FIG4: variants seen among roughly 807,000 people sequenced by gnomAD.
The protein encoded by FIG4 is FIG4 phosphoinositide 5-phosphatase.
Under a neutral mutation model 118.6 loss-of-function variants are expected in FIG4, and 112 were observed. That is an observed-to-expected ratio of 0.94 (90% CI 0.81 to 1.11). The LOEUF is 1.11. Among genes scored for constraint, FIG4 ranks in the 50% least tolerant of loss-of-function variants. The pLI, the probability that FIG4 is intolerant of heterozygous loss-of-function variation, is 0.00. For missense variants in FIG4, 969 were observed against 1,111.7 expected, an observed-to-expected ratio of 0.87 and a Z score of 1.83; for synonymous variants, 369 against 381.2, an observed-to-expected ratio of 0.97 and a Z score of 0.37.
In FIG4 at chr6:109,786,399, G is replaced by A; in HGVS notation, c.2046G>A (p.Glu682=). ...DIHNEFFRPY[E]LSSFDDTFCL... ...ACAATGAGTTCTTTCGGCCATATGA[G>A]TTGAGCAGCTTTGATGATACCTTTT... Residue 682 remains glutamate, a synonymous_variant, in exon 18 of 23, where the codon GAG becomes GAA. Coordinates refer to ENST00000230124, the MANE Select transcript of FIG4 (RefSeq NM_014845.6). The A allele has an allele frequency of 6.2e-7, 1 of 1,614,012 alleles. No homozygotes were observed. Among genetic ancestry groups the A allele is most frequent in the Non-Finnish European group, 8.5e-7 (1 of 1,179,876 alleles).
chr6:109,696,067 C>T (rs979148876), intron 1 of FIG4, among the ~76,000 whole-genome samples: 8 of 152,204 alleles, frequency 5.3e-5, no homozygotes, highest in Non-Finnish European at 1.0e-4. Flanking sequence ...CTCATCCCTT[C>T]TTAAAGTTAT....
intron 22 of FIG4, among the ~76,000 whole-genome samples, chr6:109,798,279 T>C (rs1000040181): frequency 2.0e-5 from 3 of 151,900 alleles, no homozygotes; most frequent in Non-Finnish European, 2.9e-5. Flanking sequence ...ACTCAGAGAG[T>C]GGGGAACAAG....
intron 22 of FIG4, among the ~76,000 whole-genome samples, chr6:109,818,344 G>C (rs1436463385): frequency 6.6e-6 from 1 of 152,024 alleles, no homozygotes; most frequent in Non-Finnish European, 1.5e-5. Flanking sequence ...GGGATTACAG[G>C]CATGCACCAC....
rs543889524 is a variant in FIG4, at chr6:109,808,718, C to T, written c.2546+11867C>T. On this transcript the variant is annotated intron_variant, in intron 22 of 22. Transcript: ENST00000230124. ...TGACAGACACTTTTTCAAAAATGAA[C>T]AAAGTAAGCCTGTCACTTCAAGAAA... 2.1e-3 allele frequency among the ~76,000 whole-genome samples: 320 copies of T among 151,984 alleles called. 1 individual carries two copies. Among genetic ancestry groups the T allele is most frequent in the Non-Finnish European group, 3.9e-3 (264 of 67,966 alleles).
At chr6:109,741,596 T>A in intron 8 of FIG4, 52 bp downstream of exon 8, 8 of 1,117,286 alleles carry the variant, frequency 7.2e-6, no homozygotes, top group Non-Finnish European at 9.6e-6. Flanking sequence ...TATATCAGCT[T>A]TGCTGATGTA....
intron 16 of FIG4, 80 bp from the exon 17 acceptor site, chr6:109,784,890 A>G (rs1358755893): frequency 2.7e-6 from 2 of 737,904 alleles, no homozygotes; most frequent in African/African-American, 1.8e-5. Flanking sequence ...TATAGACCAT[A>G]TAAATTATTT....
chr6:109,762,325 A>C (rs1174302964), intron 12 of FIG4, 118 bp downstream of exon 12: 1 of 707,442 alleles, frequency 1.4e-6, no homozygotes, highest in Non-Finnish European at 2.6e-6. Context: ...GGGGAGGCAC[A>C]CTGCTCACAT....
chr6:109,741,888 A>G (rs1415298409), intron 8 of FIG4, among the ~76,000 whole-genome samples: 1 of 152,102 alleles, frequency 6.6e-6, no homozygotes, highest in African/African-American at 2.4e-5. Flanking sequence ...GGGAATAATG[A>G]CAATAAAAAA....
intron 3 of FIG4, among the ~76,000 whole-genome samples, chr6:109,724,936 A>G (rs903650847): frequency 3.9e-5 from 6 of 151,980 alleles, no homozygotes; most frequent in Admixed American, 1.3e-4. Flanking sequence ...ATCTTGTGCA[A>G]CAGATCTTGA....
chr6:109,813,080 A>C (rs1371612822), intron 22 of FIG4, among the ~76,000 whole-genome samples: 4 of 152,224 alleles, frequency 2.6e-5, no homozygotes, highest in Admixed American at 6.5e-5. Context: ...TAGCAGTTTC[A>C]TATAATTCTA....
chr6:109,808,270 T>TA (rs1778623720), intron 22 of FIG4, among the ~76,000 whole-genome samples: 1 of 150,400 alleles, frequency 6.6e-6, no homozygotes, highest in South Asian at 2.1e-4. Flanking sequence ...CAAGACCCTT[T>TA]CATTGGGTCT....
chr6:109,742,795 A>T (rs748400904), intron 8 of FIG4, among the ~76,000 whole-genome samples: 4 of 151,962 alleles, frequency 2.6e-5, no homozygotes, highest in Non-Finnish European at 5.9e-5. Flanking sequence ...GTATAATTTC[A>T]TGTAATTGTC....
chr6:109,823,997 G>A (rs917167654), intron 22 of FIG4, among the ~76,000 whole-genome samples: 6 of 152,088 alleles, frequency 3.9e-5, no homozygotes, highest in South Asian at 2.1e-4. Context: ...TGCACACTCC[G>A]TACACACACA....
intron 21 of FIG4, among the ~76,000 whole-genome samples, chr6:109,793,473 C>G (rs7766308): frequency 0.029 from 4,381 of 152,226 alleles, 179 homozygotes; most frequent in East Asian, 0.11. Context: ...TATGTGTGTC[C>G]TTTTGAGAAG....
intron 3 of FIG4, among the ~76,000 whole-genome samples, chr6:109,726,111 C>T (rs1775803080): frequency 7.3e-6 from 1 of 136,716 alleles, no homozygotes; most frequent in Admixed American, 7.7e-5. Flanking sequence ...TAATTAAATC[C>T]CATTTGTCAA....
chr6:109,718,843 G>A (rs1262843959), intron 3 of FIG4, among the ~76,000 whole-genome samples: 1 of 151,860 alleles, frequency 6.6e-6, no homozygotes, highest in Non-Finnish European at 1.5e-5. Context: ...TAAATAAAAT[G>A]TGTTTAAAAT....
At chr6:109,762,252 T>G (rs371408641) in intron 12 of FIG4, 45 bp downstream of exon 12, 2 of 1,195,848 alleles carry the variant, frequency 1.7e-6, no homozygotes, top group Non-Finnish European at 2.5e-6. Flanking sequence ...TGATTTTTGC[T>G]CTTATGGGTA....
chr6:109,764,562 G>C (rs1362954516), intron 13 of FIG4, among the ~76,000 whole-genome samples: 1 of 152,048 alleles, frequency 6.6e-6, no homozygotes, highest in African/African-American at 2.4e-5. Context: ...GAATAAGTTA[G>C]AGTGACTTTG....
intron 1 of FIG4, among the ~76,000 whole-genome samples, chr6:109,702,898 C>T (rs1774947246): frequency 1.3e-5 from 2 of 152,146 alleles, no homozygotes; most frequent in Admixed American, 6.5e-5. Flanking sequence ...GAAGCAATGG[C>T]TTTAGTCCGG....
Sources: allele counts gnomAD v4.1 joint callset (sites outside exome capture counted in the v4.1 genomes callset), GRCh38; gene constraint gnomAD v4.1.1; transcripts MANE v1.5; gene names NCBI Gene and HGNC (gene_info 2026-07-23, HGNC 2026-07-21).